Variants in ACER1 observed in about 807,000 individuals in gnomAD.
ACER1 encodes the protein CTB-180A7.3.
In ACER1, 28 loss-of-function variants were observed where a neutral mutation model predicts 24.9. That is an observed-to-expected ratio of 1.13 (90% CI 0.83 to 1.54). The LOEUF (loss-of-function observed/expected upper bound fraction) is 1.54. Among genes scored for constraint, ACER1 ranks in the 40% most tolerant of loss-of-function variants. The probability of loss-of-function intolerance (pLI) is 0.00; values close to 1 mark genes in which losing one functional copy is unlikely to be tolerated. For missense variants in ACER1, 352 were observed against 349.3 expected, an observed-to-expected ratio of 1.01 and a Z score of -0.06; for synonymous variants, 132 against 131.4, an observed-to-expected ratio of 1.00 and a Z score of -0.03.
chr19:6,306,775 C>T lies in ACER1; in HGVS notation c.734G>A (p.Arg245Gln), dbSNP rs774145400. The T allele has an allele frequency of 1.3e-5, 21 of 1,614,128 alleles. No homozygotes were observed. In the Admixed American group the frequency reaches 2.7e-4, roughly 20 times the overall value. Residue 245 changes from arginine (R) to glutamine (Q), a missense_variant, in exon 6 of 6, where the codon CGG (arginine) becomes CAG (glutamine). Arg to Gln is a conservative substitution (Grantham distance 43, BLOSUM62 1). Transcript: ENST00000301452. ...GGGCAGCCCCACGGGCCAACTGTCC[C>T]GAGGCCAGTAGCGGACTTTGAGGGT... ...GETLKVRYWP[R>Q]DSWPVGLPYV...
the ACER1 span, among the ~76,000 whole-genome samples, chr19:6,356,614 T>C: frequency 4.6e-5 from 7 of 152,060 alleles, no homozygotes; most frequent in African/African-American, 1.7e-4. Flanking sequence ...ATTTTGTTTA[T>C]AATGATCTCG....
At chr19:6,333,393 G>C in intron 1 of ACER1, 66 bp downstream of exon 1, 1 of 1,350,478 alleles carries the variant, frequency 7.4e-7, no homozygotes, top group Admixed American at 2.1e-5. Context: ...CAGTAAGGCT[G>C]TATGGGGAGG....
upstream of ACER1, among the ~76,000 whole-genome samples, chr19:6,335,224 C>CTTTTTTT (rs146932699): frequency 6.5e-4 from 66 of 102,224 alleles, no homozygotes; most frequent in African/African-American, 1.2e-3. Flanking sequence ...ATTTAACGTT[C>CTTTTTTT]TTTTTTTTTT....
At chr19:6,326,682 C>G (rs2091663351) in intron 1 of ACER1, among the ~76,000 whole-genome samples, 1 of 152,046 alleles carries the variant, frequency 6.6e-6, no homozygotes, top group African/African-American at 2.4e-5. Context: ...AACCATGGGG[C>G]TGAAGAAATC....
At chr19:6,349,245 G>T in the ACER1 span, among the ~76,000 whole-genome samples, 1 of 151,828 alleles carries the variant, frequency 6.6e-6, no homozygotes, top group Non-Finnish European at 1.5e-5. Context: ...GAGAAGCAGA[G>T]GCAGGTGGAT....
Position 6,307,079 on chromosome 19 carries a change from G to A in ACER1, c.626+74C>T, listed in dbSNP as rs2091556009. On this transcript the variant is annotated intron_variant, in intron 5 of 5. Coordinates refer to ENST00000301452, the MANE Select transcript of ACER1 (RefSeq NM_133492.3). ...TCTGCTTCTCCAACCCCAGCCCCCA[G>A]GTGCCTACTCCGAGCTTTGGCATCT... 4 of 1,587,864 alleles carry A rather than the reference G, an allele frequency of 2.5e-6. No individual in the cohort carries two copies. In the East Asian group the frequency reaches 9.0e-5, roughly 36 times the overall value.
the ACER1 span, among the ~76,000 whole-genome samples, chr19:6,350,207 C>T: frequency 6.6e-6 from 1 of 151,534 alleles, no homozygotes; most frequent in African/African-American, 2.4e-5. Context: ...GTGGCTCATG[C>T]CTGTAATCCC....
At chr19:6,337,851 G>C (rs570211442), upstream of ACER1, among the ~76,000 whole-genome samples, 4 of 150,072 alleles carry the variant, frequency 2.7e-5, no homozygotes, top group Non-Finnish European at 4.4e-5. Context: ...TAATTTTTTT[G>C]TATTTTTAGT....
chr19:6,312,366 C>G lies in ACER1; in HGVS notation c.208+19G>C. The G allele has an allele frequency of 1.2e-6, 2 of 1,613,702 alleles. No individual in the cohort carries two copies. Among genetic ancestry groups the G allele is most frequent in the Non-Finnish European group, 8.5e-7 (1 of 1,179,754 alleles). Reference sequence around the variant, plus strand: ...CCACTGCCTCCCGACTGTCACAGACCTGAACCACACCTCCCTACCTATGAT... The same window carrying G: ...CCACTGCCTCCCGACTGTCACAGACGTGAACCACACCTCCCTACCTATGAT... On this transcript the variant is annotated intron_variant, in intron 2 of 5. Coordinates refer to ENST00000301452, the MANE Select transcript of ACER1 (RefSeq NM_133492.3).
At chr19:6,334,279 C>A (rs943335509), upstream of ACER1, among the ~76,000 whole-genome samples, 3 of 152,038 alleles carry the variant, frequency 2.0e-5, no homozygotes, top group African/African-American at 4.8e-5. Flanking sequence ...CTCCTGACCT[C>A]GTGATCCACC....
the ACER1 span, among the ~76,000 whole-genome samples, chr19:6,350,344 AT>A: frequency 6.6e-6 from 1 of 152,148 alleles, no homozygotes; most frequent in Admixed American, 6.6e-5. Context: ...TGGCACATGT[AT>A]ACATATGTAA....
At chr19:6,345,997 G>A in the ACER1 span, among the ~76,000 whole-genome samples, 1 of 151,930 alleles carries the variant, frequency 6.6e-6, no homozygotes, top group Non-Finnish European at 1.5e-5. Flanking sequence ...CAAGCTGCTG[G>A]GATTCCAGGC....
chr19:6,311,649 GAGA>G (rs1378563240), intron 3 of ACER1, among the ~76,000 whole-genome samples: 1 of 150,076 alleles, frequency 6.7e-6, no homozygotes, highest in Non-Finnish European at 1.5e-5. Context: ...GAAGAAGAAG[GAGA>G]AGGAGGAGGA....
intron 1 of ACER1, among the ~76,000 whole-genome samples, chr19:6,313,672 C>T (rs1047972137): frequency 6.6e-6 from 1 of 152,198 alleles, no homozygotes; most frequent in African/African-American, 2.4e-5. Context: ...ATGAGTTGAC[C>T]TTGCCCTTGC....
the ACER1 span, among the ~76,000 whole-genome samples, chr19:6,339,814 C>T: frequency 6.6e-6 from 1 of 151,998 alleles, no homozygotes; most frequent in African/African-American, 2.4e-5. Context: ...AGGCGCCCGC[C>T]ACCACACCCG....
rs908659166 is a variant in ACER1, at chr19:6,306,575, C to T, written c.*139G>A. ...CATCATCTGCCTCAAGGCAGGGCAG[C>T]GCAGGACAAGGAGGACACGGAAGGG... On this transcript the variant is annotated 3_prime_UTR_variant, in exon 6 of 6. Transcript: ENST00000301452. 3.1e-5 allele frequency: 32 copies of T among 1,046,842 alleles called. No homozygotes were observed. The East Asian group carries it at 4.5e-4, about 15-fold the overall frequency. 64.8% of individuals were successfully genotyped at this position (1,046,842 alleles called of 1,614,324 possible).
At chr19:6,352,306 G>C in the ACER1 span, among the ~76,000 whole-genome samples, 4 of 152,242 alleles carry the variant, frequency 2.6e-5, no homozygotes, top group African/African-American at 9.6e-5. Flanking sequence ...TGACTTCCAA[G>C]CCAAGCATTT....
the ACER1 span, among the ~76,000 whole-genome samples, chr19:6,356,624 G>A: frequency 2.0e-5 from 3 of 151,280 alleles, no homozygotes; most frequent in African/African-American, 7.3e-5. Flanking sequence ...TAATGATCTC[G>A]CTTTTCTTCA....
chr19:6,360,037 G>A, the ACER1 span: 1 of 152,188 alleles, frequency 6.6e-6, no homozygotes, highest in Admixed American at 6.6e-5. Context: ...TGGCAAAAAA[G>A]AGAAGTCCCA....
Sources: gnomAD v4.1 joint callset for allele counts (sites outside exome capture counted in the v4.1 genomes callset) on GRCh38, gnomAD v4.1.1 for gene constraint, MANE v1.5 for transcripts, NCBI Gene and HGNC (gene_info 2026-07-23, HGNC 2026-07-21) for gene names.